Variants in NRIP3 observed in about 807,000 individuals in gnomAD.
The protein encoded by NRIP3 is nuclear receptor-interacting protein 3.
NRIP3 carries 31 observed loss-of-function variants against 29.0 expected under a neutral mutation model. The ratio of observed to expected loss-of-function variants is 1.07; its 90% CI spans 0.80 to 1.44. NRIP3 has a LOEUF of 1.44. Among genes scored for constraint, NRIP3 ranks in the 40% most tolerant of loss-of-function variants. The pLI, the probability that NRIP3 is intolerant of heterozygous loss-of-function variation, is 0.00. For missense variants in NRIP3, 314 were observed against 297.9 expected (o/e 1.05, Z -0.40); for synonymous variants, 131 against 118.3 (o/e 1.11, Z -0.70).
intron 3 of NRIP3, among the ~76,000 whole-genome samples, chr11:8,986,469 T>C (rs929100225): frequency 3.9e-5 from 6 of 152,176 alleles, no homozygotes; most frequent in African/African-American, 1.4e-4. Context: ...CATAAGCTGA[T>C]TGGAATAGCT....
At chr11:8,985,533 C>A (rs1026456616) in intron 4 of NRIP3, among the ~76,000 whole-genome samples, 178 bp downstream of exon 4, 1 of 152,002 alleles carries the variant, frequency 6.6e-6, no homozygotes, top group Non-Finnish European at 1.5e-5. Context: ...TTGAATGTAG[C>A]TCAGGGCCCA....
In NRIP3 at chr11:8,988,219, G is replaced by T; in HGVS notation, c.238C>A (p.Pro80Thr). ...GTCTTAGAGGCCCAAGGGACACGGG[G>T]ACCGCTTCGGAGCTTAGACAGGTTG... ...ETNLSKLRSG[P>T]RVPWASKTNK... Residue 80 changes from proline (P) to threonine (T), a missense_variant, in exon 2 of 7, where the codon CCC (proline) becomes ACC (threonine). Physicochemically the swap from Pro to Thr is conservative, Grantham distance 38. Transcript: ENST00000309166. The T allele has an allele frequency of 6.2e-7, 1 of 1,614,150 alleles. No individual in the cohort carries two copies. Among genetic ancestry groups the T allele is most frequent in the South Asian group, 1.1e-5 (1 of 91,072 alleles).
chr11:9,003,603 A>AG (rs1036741529), intron 1 of NRIP3, among the ~76,000 whole-genome samples, 159 bp downstream of exon 1: 1 of 152,166 alleles, frequency 6.6e-6, no homozygotes, highest in African/African-American at 2.4e-5. Context: ...AAACCGCAGC[A>AG]GGGGTACTGG....
At chr11:8,999,548 G>A (rs1182154408) in intron 1 of NRIP3, among the ~76,000 whole-genome samples, 4 of 152,088 alleles carry the variant, frequency 2.6e-5, no homozygotes, top group East Asian at 1.9e-4. Context: ...ATAGGTATGC[G>A]CTGAAAAGAG....
chr11:8,986,310 A>C (rs1854522419), intron 3 of NRIP3, among the ~76,000 whole-genome samples: 1 of 152,212 alleles, frequency 6.6e-6, no homozygotes, highest in Admixed American at 6.5e-5. Flanking sequence ...AGTCTGTCTT[A>C]GACTATAATG....
chr11:8,989,993 C>T (rs1236934669), intron 1 of NRIP3, among the ~76,000 whole-genome samples: 1 of 152,078 alleles, frequency 6.6e-6, no homozygotes, highest in African/African-American at 2.4e-5. Context: ...TTATCTAGTT[C>T]TTAATCTTGC....
chr11:8,987,240 T>TCAGGG (rs1854534003), intron 3 of NRIP3, among the ~76,000 whole-genome samples: 1 of 152,258 alleles, frequency 6.6e-6, no homozygotes, highest in Middle Eastern at 3.4e-3. Context: ...ATCTAGTGGA[T>TCAGGG]CAGGGCAGGG....
chr11:8,987,905 C>A (rs925545600), intron 2 of NRIP3, among the ~76,000 whole-genome samples: 1 of 152,166 alleles, frequency 6.6e-6, no homozygotes, highest in Non-Finnish European at 1.5e-5. Flanking sequence ...AAATCACATA[C>A]CCATTTGTAA....
intron 1 of NRIP3, among the ~76,000 whole-genome samples, chr11:8,995,643 C>A (rs1854688364): frequency 6.6e-6 from 1 of 152,152 alleles, no homozygotes; most frequent in Admixed American, 6.5e-5. Flanking sequence ...CTTCTTTTAC[C>A]CTTCTCCAGT....
intron 1 of NRIP3, among the ~76,000 whole-genome samples, chr11:8,996,952 G>A (rs925361985): frequency 2.0e-5 from 3 of 152,110 alleles, no homozygotes; most frequent in Non-Finnish European, 4.4e-5. Flanking sequence ...GATGGCACAC[G>A]CCTGTAGTCC....
chr11:9,004,193 G>A, upstream of NRIP3: 1 of 332,924 alleles, frequency 3.0e-6, no homozygotes, highest in East Asian at 4.7e-5. Flanking sequence ...CGCTGGTGGG[G>A]ACTGACCCGG....
chr11:9,002,232 C>T (rs574930456), intron 1 of NRIP3, among the ~76,000 whole-genome samples: 5 of 152,208 alleles, frequency 3.3e-5, no homozygotes, highest in African/African-American at 1.2e-4. Flanking sequence ...GATTGCTGAG[C>T]ATTCTAGGAA....
upstream of NRIP3, chr11:9,004,038 G>A (rs1854868218): frequency 1.7e-6 from 2 of 1,168,888 alleles, no homozygotes; most frequent in South Asian, 2.2e-5. Context: ...TTATAGCCGA[G>A]CGTGACGTCG....
At chr11:8,995,414 A>T (rs1163757911) in intron 1 of NRIP3, among the ~76,000 whole-genome samples, 1 of 152,214 alleles carries the variant, frequency 6.6e-6, no homozygotes, top group Non-Finnish European at 1.5e-5. Flanking sequence ...CAGTTTTAAC[A>T]TATTGGGTTA....
intron 1 of NRIP3, among the ~76,000 whole-genome samples, chr11:8,993,454 G>A (rs966284745): frequency 2.6e-5 from 4 of 152,180 alleles, no homozygotes; most frequent in African/African-American, 9.7e-5. Flanking sequence ...CAGAATGTTA[G>A]TATAATAGAA....
rs1854509899 is a variant in NRIP3, at chr11:8,985,712, A to C, written c.561T>G (p.Val187=). The C allele has an allele frequency of 1.2e-6, 2 of 1,613,716 alleles. No homozygotes were observed. The highest frequency in any genetic ancestry group is 2.7e-5 in the African/African-American group (2 of 75,028). ...GGTCCAGCCCTCAATTCTGCTTACC[A>C]ACCACAGCTGCTGGGCAGTCCAGGC... ...SLRLDCPAAV[V]DDNEKNLSLG... is the part of the protein sequence containing the mutation. The change falls in exon 4 of 7, where the codon GTT becomes GTG. Residue 187 remains valine (V), a splice_region_variant and synonymous_variant. Coordinates refer to ENST00000309166, the MANE Select transcript of NRIP3 (RefSeq NM_020645.3).
intron 4 of NRIP3, among the ~76,000 whole-genome samples, chr11:8,985,142 C>T (rs1162321882): frequency 3.4e-5 from 5 of 148,472 alleles, no homozygotes; most frequent in East Asian, 4.0e-4. Flanking sequence ...TGAGCCACTG[C>T]GCCCGGCCTC....
At chr11:8,992,576 A>G (rs1437593785) in intron 1 of NRIP3, among the ~76,000 whole-genome samples, 1 of 152,230 alleles carries the variant, frequency 6.6e-6, no homozygotes, top group Non-Finnish European at 1.5e-5. Context: ...AGGACTATTC[A>G]ACAGTAACAG....
At chr11:8,986,362 C>G (rs1854523231) in intron 3 of NRIP3, among the ~76,000 whole-genome samples, 1 of 152,188 alleles carries the variant, frequency 6.6e-6, no homozygotes, top group South Asian at 2.1e-4. Context: ...CACTGATATT[C>G]ATATCAGCAA....
Sources: allele counts gnomAD v4.1 joint callset (sites outside exome capture counted in the v4.1 genomes callset), GRCh38; gene constraint gnomAD v4.1.1; transcripts MANE v1.5; gene names NCBI Gene and HGNC (gene_info 2026-07-23, HGNC 2026-07-21).